Variants in ADAMTSL1 observed in about 807,000 individuals in gnomAD.
The protein encoded by ADAMTSL1 is ADAMTS-like protein 1.
ADAMTSL1 carries 126 observed loss-of-function variants against 201.8 expected under a neutral mutation model. That is an observed-to-expected ratio of 0.62 (90% confidence interval 0.54 to 0.72). The LOEUF is 0.72. Among genes scored for constraint, ADAMTSL1 ranks in the 30% least tolerant of loss-of-function variants. The pLI is 0.00. For missense variants in ADAMTSL1, 2,679 were observed against 2,277.8 expected (o/e 1.18, Z -3.59); for synonymous variants, 1,121 against 903.4 (o/e 1.24, Z -4.32).
At chr9:18,028,770 G>T (rs1015828876) in intron 1 of ADAMTSL1, among the ~76,000 whole-genome samples, 1 of 152,114 alleles carries the variant, frequency 6.6e-6, no homozygotes, top group Non-Finnish European at 1.5e-5. Context: ...ATATGAACTT[G>T]AAAGTAGTTT....
At position 18,054,107 on chromosome 9, in the gene ADAMTSL1, G is replaced by A. The variant is rs904685840; in HGVS notation, c.88-109755G>A. On this transcript the variant is annotated intron_variant, in intron 1 of 29. Transcript: ENST00000680146. ...ACTATTTGCCCATATCTTTTATAAA[G>A]CATAGTTTTCTGATTATACAGGAAA... Among the ~76,000 whole-genome samples the A allele has an allele frequency of 2.0e-5, 3 of 151,946 alleles. No individual in the cohort carries two copies. The South Asian group carries it at 6.2e-4, about 32-fold the overall frequency.
At chr9:17,980,894 G>T (rs1272452797) in intron 1 of ADAMTSL1, among the ~76,000 whole-genome samples, 1 of 152,108 alleles carries the variant, frequency 6.6e-6, no homozygotes, top group Non-Finnish European at 1.5e-5. Flanking sequence ...CCATGCAGAA[G>T]GTGAAGGGAA....
chr9:18,813,036 C>G (rs1033936418), intron 20 of ADAMTSL1, among the ~76,000 whole-genome samples: 3 of 148,246 alleles, frequency 2.0e-5, no homozygotes, highest in Non-Finnish European at 4.4e-5. Context: ...GGCACAATCT[C>G]AGCTTACTGC....
intron 1 of ADAMTSL1, among the ~76,000 whole-genome samples, chr9:18,124,499 A>G (rs1825654181): frequency 6.6e-6 from 1 of 152,146 alleles, no homozygotes; most frequent in Non-Finnish European, 1.5e-5. Flanking sequence ...CATCAGACAT[A>G]TGATTTGCAA....
At chr9:18,060,392 A>G (rs1822394695) in intron 1 of ADAMTSL1, among the ~76,000 whole-genome samples, 1 of 152,150 alleles carries the variant, frequency 6.6e-6, no homozygotes, top group African/African-American at 2.4e-5. Context: ...GGGCTAAGGT[A>G]TCTGCAATAT....
At chr9:18,506,997 T>G (rs1817703193) in intron 2 of ADAMTSL1, among the ~76,000 whole-genome samples, 1 of 152,206 alleles carries the variant, frequency 6.6e-6, no homozygotes, top group African/African-American at 2.4e-5. Flanking sequence ...TAAATTCTAG[T>G]CATTCTTTAG....
chr9:18,815,132 T>G (rs1823753543), intron 20 of ADAMTSL1, among the ~76,000 whole-genome samples: 1 of 152,156 alleles, frequency 6.6e-6, no homozygotes, highest in African/African-American at 2.4e-5. Context: ...GTATAGCCAT[T>G]ATGGAAAACA....
intron 2 of ADAMTSL1, among the ~76,000 whole-genome samples, chr9:18,306,973 C>G (rs1833933402): frequency 6.6e-6 from 1 of 152,116 alleles, no homozygotes; most frequent in African/African-American, 2.4e-5. Context: ...AAAGGGAAGC[C>G]CACCAGACTA....
At chr9:18,567,221 T>C (rs779838062) in intron 3 of ADAMTSL1, among the ~76,000 whole-genome samples, 1 of 152,116 alleles carries the variant, frequency 6.6e-6, no homozygotes, top group Non-Finnish European at 1.5e-5. Context: ...TCTCAGCACT[T>C]TGGGAGGCTG....
At chr9:18,646,828 A>G (rs1259435432) in intron 7 of ADAMTSL1, among the ~76,000 whole-genome samples, 2 of 152,068 alleles carry the variant, frequency 1.3e-5, no homozygotes, top group African/African-American at 4.8e-5. Flanking sequence ...AATGTTCATC[A>G]AGGATATTGG....
At position 18,076,653 on chromosome 9, in the gene ADAMTSL1, T is replaced by C. The variant is rs140166178; in HGVS notation, c.88-87209T>C. The stretch of plus-strand genomic sequence containing the variant: ...AATATTTGGAGACCTCTTAGGGGAA[T>C]GTACAAGCAGCTAATGTTGGCCAGT... On this transcript the variant is annotated intron_variant, in intron 1 of 29. Transcript: ENST00000680146. 3.1e-3 allele frequency among the ~76,000 whole-genome samples: 478 copies of C among 152,282 alleles called. 1 individual carries two copies. Among genetic ancestry groups the C allele is most frequent in the African/African-American group, 0.011 (457 of 41,554 alleles).
chr9:18,566,673 C>T (rs1430031148), intron 3 of ADAMTSL1, among the ~76,000 whole-genome samples: 1 of 152,082 alleles, frequency 6.6e-6, no homozygotes, highest in African/African-American at 2.4e-5. Context: ...CCTGGAATGT[C>T]CCTGAAGACA....
chr9:18,738,232 G>T (rs904859814), intron 15 of ADAMTSL1, among the ~76,000 whole-genome samples: 1 of 152,142 alleles, frequency 6.6e-6, no homozygotes, highest in Non-Finnish European at 1.5e-5. Flanking sequence ...GCTGTGAGAA[G>T]TTTTGCGTTT....
At chr9:18,392,848 G>GAAA (rs2133230054) in intron 2 of ADAMTSL1, among the ~76,000 whole-genome samples, 1 of 152,244 alleles carries the variant, frequency 6.6e-6, no homozygotes, top group East Asian at 1.9e-4. Flanking sequence ...CCTCTACTTT[G>GAAA]GGGCCTCCCT....
rs5896800 is a variant in ADAMTSL1, at chr9:18,735,741, CTTTT to C, written c.2006+14079_2006+14082del. Among the ~76,000 whole-genome samples the C allele has an allele frequency of 3.9e-5, 3 of 76,646 alleles. No individual in the cohort carries two copies. The Admixed American group carries it at 4.6e-4, about 12-fold the overall frequency. The allele number at this position is 76,646 out of a possible 152,430, so 50.3% of individuals were successfully genotyped here. A position where few individuals can be genotyped will look rare whatever the true frequency, so the allele number is the denominator to read the frequency against. On this transcript the variant is annotated intron_variant, in intron 15 of 28. Coordinates refer to ENST00000380548, the MANE Select transcript of ADAMTSL1 (RefSeq NM_001040272.6). ...GCTCTTTGAGAAGTCAGACGGCATT[CTTTT>C]TTCTTTTTTTTTTTTTTTTTTTTGA...
At chr9:18,492,008 G>A (rs1419002013) in intron 1 of ADAMTSL1, among the ~76,000 whole-genome samples, 1 of 152,134 alleles carries the variant, frequency 6.6e-6, no homozygotes, top group African/African-American at 2.4e-5. Context: ...ACTAGAGAAT[G>A]CATGGCTTGA....
intron 12 of ADAMTSL1, among the ~76,000 whole-genome samples, chr9:18,682,228 G>A (rs879323977): frequency 2.0e-5 from 3 of 152,064 alleles, no homozygotes; most frequent in Non-Finnish European, 2.9e-5. Context: ...TGAAGAATAC[G>A]GATGTACCTG....
At chr9:17,917,964 A>G (rs1006450067) in intron 1 of ADAMTSL1, among the ~76,000 whole-genome samples, 1 of 151,968 alleles carries the variant, frequency 6.6e-6, no homozygotes. Flanking sequence ...AGTAGTTCAT[A>G]GTGCTCCTTT....
intron 14 of ADAMTSL1, among the ~76,000 whole-genome samples, chr9:18,709,976 G>C (rs1056465677): frequency 2.0e-5 from 3 of 152,192 alleles, no homozygotes; most frequent in African/African-American, 7.2e-5. Flanking sequence ...CATGTTCTCT[G>C]TCGGTTTACA....
Sources: gnomAD v4.1 joint callset for allele counts (sites outside exome capture counted in the v4.1 genomes callset) on GRCh38, gnomAD v4.1.1 for gene constraint, MANE v1.5 for transcripts, NCBI Gene and HGNC (gene_info 2026-07-23, HGNC 2026-07-21) for gene names.